WWP1: variants seen among roughly 807,000 people sequenced by gnomAD.
The protein encoded by WWP1 is NEDD4-like E3 ubiquitin-protein ligase WWP1.
Under a neutral mutation model 130.6 loss-of-function variants are expected in WWP1, and 49 were observed. The ratio of observed to expected loss-of-function variants is 0.38; its 90% CI spans 0.30 to 0.48. WWP1 has a LOEUF of 0.48. Among genes scored for constraint, WWP1 ranks in the 20% least tolerant of loss-of-function variants. The pLI is 0.99. For synonymous variants in WWP1, 332 were observed against 367.8 expected (o/e 0.90, Z 1.11); for missense variants, 809 against 1,100.6 (o/e 0.74, Z 3.75).
At chr8:86,369,148 G>T (rs937561897) in intron 2 of WWP1, 117 bp downstream of exon 2, 4 of 152,112 alleles carry the variant, frequency 2.6e-5, no homozygotes, top group Non-Finnish European at 4.4e-5. Context: ...TATGGCTATA[G>T]ACTTCTAATA....
chr8:86,428,949 A>G (rs1563524469), intron 11 of WWP1, among the ~76,000 whole-genome samples: 1 of 152,198 alleles, frequency 6.6e-6, no homozygotes, highest in East Asian at 1.9e-4. Context: ...TTATCTTGCA[A>G]GTAATAGAAT....
rs1586274815 is a variant in WWP1, at chr8:86,367,880, T to C, written c.-114-1059T>C. Among the ~76,000 whole-genome samples, 3 of 152,212 alleles carry C rather than the reference T, an allele frequency of 2.0e-5. No homozygotes were observed. In the South Asian group the frequency reaches 6.2e-4, roughly 32 times the overall value. On this transcript the variant is annotated intron_variant, in intron 1 of 24. Transcript: ENST00000517970. Reference sequence around the variant, plus strand: ...GCAGAATTTGATCAGCACTCTCTCATTCTGTTCAACATTTATTCCAAAATA... The same window carrying C: ...GCAGAATTTGATCAGCACTCTCTCACTCTGTTCAACATTTATTCCAAAATA...
intron 9 of WWP1, among the ~76,000 whole-genome samples, chr8:86,415,126 C>A (rs1310572505): frequency 1.3e-5 from 2 of 152,012 alleles, no homozygotes; most frequent in African/African-American, 4.8e-5. Flanking sequence ...AGTGTTATGC[C>A]AAGCACGATT....
At position 86,435,780 on chromosome 8, in the gene WWP1, A is replaced by C. The variant is rs1810254920; in HGVS notation, c.1749+76A>C. The C allele has an allele frequency of 4.7e-6, 7 of 1,475,972 alleles. No individual in the cohort carries two copies. The South Asian group carries it at 8.5e-5, about 18-fold the overall frequency. The allele number at this position is 1,475,972 out of a possible 1,614,324, so 91.4% of individuals were successfully genotyped here. A position where few individuals can be genotyped will look rare whatever the true frequency, so the allele number is the denominator to read the frequency against. ...TGCATCTAAAGAAAGTCAGGGTTTT[A>C]GAGATTTTTAAACCACCCAGAACAC... is the stretch of plus-strand genomic sequence containing the variant. On this transcript the variant is annotated intron_variant, in intron 16 of 24. Coordinates refer to ENST00000517970, the MANE Select transcript of WWP1 (RefSeq NM_007013.4).
rs369213021 is a variant in WWP1, at chr8:86,411,778, C to G, written c.965C>G (p.Ser322Cys). 9.6e-5 allele frequency: 155 copies of G among 1,614,024 alleles called. No individual in the cohort carries two copies. The highest frequency in any genetic ancestry group is 1.3e-4 in the Non-Finnish European group (153 of 1,180,026). Reference sequence around the variant, plus strand: ...GACACCTCTAATTCTAGAAGTAGTTCTGCTTTTGAAGCAGCCAAATCAAGA... The same window carrying G: ...GACACCTCTAATTCTAGAAGTAGTTGTGCTTTTGAAGCAGCCAAATCAAGA... ...EPDTSNSRSS[S>C]AFEAAKSRQP... Residue 322 changes from serine to cysteine, a missense_variant, in exon 9 of 25, where the codon TCT (serine) becomes TGT (cysteine). Coordinates refer to ENST00000517970, the MANE Select transcript of WWP1 (RefSeq NM_007013.4).
At chr8:86,389,225 T>C (rs991434914) in intron 5 of WWP1, among the ~76,000 whole-genome samples, 8 of 152,012 alleles carry the variant, frequency 5.3e-5, no homozygotes, top group African/African-American at 2.4e-5. Flanking sequence ...GGCAGGGTCA[T>C]AGGACAATAG....
chr8:86,385,695 A>T (rs1280167499), intron 5 of WWP1, among the ~76,000 whole-genome samples: 13 of 152,158 alleles, frequency 8.5e-5, no homozygotes, highest in Non-Finnish European at 1.5e-5. Flanking sequence ...ACAATTATAG[A>T]CCACAAACAA....
At position 86,458,995 on chromosome 8, in the gene WWP1, G is replaced by C. The variant is rs142455074; in HGVS notation, c.2499+970G>C. The stretch of plus-strand genomic sequence containing the variant: ...TCCGTTCTTTATAAGTCTATACCTT[G>C]GAGTCATTCTTTTTCTTTTTCTTTT... On this transcript the variant is annotated intron_variant, in intron 22 of 24. Coordinates refer to ENST00000517970, the MANE Select transcript of WWP1 (RefSeq NM_007013.4). 3.5e-4 allele frequency among the ~76,000 whole-genome samples: 53 copies of C among 149,452 alleles called. 1 individual carries two copies. Among genetic ancestry groups the C allele is most frequent in the African/African-American group, 1.3e-3 (51 of 40,618 alleles).
At chr8:86,457,429 G>GTCTA (rs768730517) in intron 21 of WWP1, among the ~76,000 whole-genome samples, 53 of 42,548 alleles carry the variant, frequency 1.2e-3, no homozygotes, top group Admixed American at 3.7e-3. Context: ...CTGTCTGTCT[G>GTCTA]TCTATCTATC....
intron 1 of WWP1, among the ~76,000 whole-genome samples, chr8:86,355,627 G>C (rs942765064): frequency 6.6e-6 from 1 of 152,146 alleles, no homozygotes; most frequent in African/African-American, 2.4e-5. Flanking sequence ...CCCAGAATAC[G>C]TGGAAATTAT....
chr8:86,349,995 G>T (rs1822825359), intron 1 of WWP1, among the ~76,000 whole-genome samples: 1 of 151,958 alleles, frequency 6.6e-6, no homozygotes, highest in Non-Finnish European at 1.5e-5. Flanking sequence ...TGTCCCCCAC[G>T]CGCTCCAAGC....
At chr8:86,396,080 T>C (rs2130470616) in intron 5 of WWP1, among the ~76,000 whole-genome samples, 2 of 152,002 alleles carry the variant, frequency 1.3e-5, no homozygotes, top group South Asian at 4.2e-4. Flanking sequence ...TAGAGAAAGC[T>C]GAAATTCGTG....
At chr8:86,370,959 G>A (rs1270812893) in intron 2 of WWP1, among the ~76,000 whole-genome samples, 8 of 135,622 alleles carry the variant, frequency 5.9e-5, no homozygotes, top group Admixed American at 1.6e-4. Flanking sequence ...TCTGCCTCCC[G>A]GGTTTAAGTA....
chr8:86,437,962 GCTAA>G (rs1227657362), intron 16 of WWP1, among the ~76,000 whole-genome samples: 1 of 152,052 alleles, frequency 6.6e-6, no homozygotes, highest in Non-Finnish European at 1.5e-5. Flanking sequence ...ACCACGCCTG[GCTAA>G]CTTTTTGTAT....
Position 86,468,464 on chromosome 8 carries a change from T to G in WWP1, c.*1571T>G. On this transcript the variant is annotated 3_prime_UTR_variant, in exon 25 of 25. Coordinates refer to ENST00000517970, the MANE Select transcript of WWP1 (RefSeq NM_007013.4). ...AAAAATTCTAATGTATGTGACAGGTTATGTGATAGAGGGAAACTGGCCTTC... is the reference window on the plus strand; with the variant it reads ...AAAAATTCTAATGTATGTGACAGGTGATGTGATAGAGGGAAACTGGCCTTC... 1 of 432,008 alleles carries G rather than the reference T, an allele frequency of 2.3e-6. No individual in the cohort carries two copies. The highest frequency in any genetic ancestry group is 4.5e-6 in the Non-Finnish European group (1 of 220,114). The allele number at this position is 432,008 out of a possible 1,614,324, so 26.8% of individuals were successfully genotyped here.
intron 9 of WWP1, among the ~76,000 whole-genome samples, chr8:86,417,637 A>T (rs1414570218): frequency 6.6e-6 from 1 of 152,238 alleles, no homozygotes; most frequent in Admixed American, 6.5e-5. Context: ...TTAACTCAGG[A>T]TAAAACAGAA....
intron 2 of WWP1, among the ~76,000 whole-genome samples, chr8:86,372,697 A>C (rs1824395085): frequency 1.3e-5 from 2 of 151,900 alleles, no homozygotes; most frequent in African/African-American, 4.8e-5. Context: ...ATGGATCTGC[A>C]TTGCTACATC....
intron 8 of WWP1, among the ~76,000 whole-genome samples, chr8:86,407,616 C>T (rs1000520147): frequency 7.9e-5 from 12 of 152,264 alleles, no homozygotes; most frequent in Middle Eastern, 3.4e-3. Context: ...GAACAGTAAT[C>T]TCTCCAGTCA....
chr8:86,452,318 C>T (rs1014453348), intron 20 of WWP1, among the ~76,000 whole-genome samples: 1 of 151,932 alleles, frequency 6.6e-6, no homozygotes, highest in Non-Finnish European at 1.5e-5. Flanking sequence ...TCTGTGTTTT[C>T]CTTTCCTATT....
Sources: allele counts gnomAD v4.1 joint callset (sites outside exome capture counted in the v4.1 genomes callset), GRCh38; gene constraint gnomAD v4.1.1; transcripts MANE v1.5; gene names NCBI Gene and HGNC (gene_info 2026-07-23, HGNC 2026-07-21).